NTNG1: variants seen among roughly 807,000 people sequenced by gnomAD.
NTNG1 encodes the protein netrin G1, also known as netrin-G1.
NTNG1 carries 16 observed loss-of-function variants against 54.0 expected under a neutral mutation model. That is an observed-to-expected ratio of 0.30 (90% CI 0.20 to 0.45). The LOEUF (loss-of-function observed/expected upper bound fraction) is 0.45, where lower values mean the gene tolerates loss of function less well. Among genes scored for constraint, NTNG1 ranks in the 20% least tolerant of loss-of-function variants. The pLI is 1.00. For missense variants in NTNG1, 530 were observed against 678.7 expected (o/e 0.78, Z 2.43); for synonymous variants, 255 against 263.1 (o/e 0.97, Z 0.30).
At chr1:107,329,627 G>T (rs1375513539) in intron 3 of NTNG1, among the ~76,000 whole-genome samples, 1 of 152,086 alleles carries the variant, frequency 6.6e-6, no homozygotes, top group African/African-American at 2.4e-5. Context: ...TACCTCTTTT[G>T]TAAGAGACAT....
chr1:107,401,261 T>C (rs1308363552), intron 4 of NTNG1, among the ~76,000 whole-genome samples: 1 of 152,148 alleles, frequency 6.6e-6, no homozygotes, highest in African/African-American at 2.4e-5. Flanking sequence ...ACTACCAGCC[T>C]TTCTGGCTCA....
chr1:107,189,644 A>T (rs1187737369), intron 2 of NTNG1, among the ~76,000 whole-genome samples: 1 of 152,096 alleles, frequency 6.6e-6, no homozygotes, highest in Non-Finnish European at 1.5e-5. Flanking sequence ...ACCTTTAAAA[A>T]ATATCCTAGC....
At chr1:107,274,339 A>G (rs1382427427) in intron 2 of NTNG1, among the ~76,000 whole-genome samples, 1 of 152,218 alleles carries the variant, frequency 6.6e-6, no homozygotes, top group East Asian at 1.9e-4. Context: ...CTATTTGAAA[A>G]GATTTGGTGG....
chr1:107,423,495 A>C (rs997713846), intron 5 of NTNG1, among the ~76,000 whole-genome samples: 1 of 152,046 alleles, frequency 6.6e-6, no homozygotes, highest in South Asian at 2.1e-4. Flanking sequence ...GAAGGCCTGG[A>C]TCGCATTCCC....
Position 107,318,802 on chromosome 1 carries a change from G to A in NTNG1, c.247-5480G>A, listed in dbSNP as rs184802431. 5.7e-4 allele frequency among the ~76,000 whole-genome samples: 87 copies of A among 152,190 alleles called. 1 individual carries two copies. Among genetic ancestry groups the A allele is most frequent in the African/African-American group, 2.0e-3 (81 of 41,534 alleles). On this transcript the variant is annotated intron_variant, in intron 2 of 7. Coordinates refer to ENST00000370068, the MANE Select transcript of NTNG1 (RefSeq NM_001113226.3). ...TGTTGCTGTATGCATACCACATGTT[G>A]GTACCCAGCATACCAGTTAACAAGG...
At chr1:107,189,049 G>A (rs1397057078) in intron 2 of NTNG1, among the ~76,000 whole-genome samples, 1 of 151,968 alleles carries the variant, frequency 6.6e-6, no homozygotes, top group Non-Finnish European at 1.5e-5. Context: ...TTGGGGGACT[G>A]TAAGAGTTTG....
chr1:107,292,075 T>TC (rs1482787594), intron 2 of NTNG1, among the ~76,000 whole-genome samples: 5 of 152,124 alleles, frequency 3.3e-5, no homozygotes, highest in Non-Finnish European at 7.4e-5. Context: ...AAAAAACTGT[T>TC]CCACTACATT....
chr1:107,355,026 C>G (rs911382609), intron 3 of NTNG1, among the ~76,000 whole-genome samples: 6 of 152,164 alleles, frequency 3.9e-5, no homozygotes, highest in African/African-American at 1.4e-4. Flanking sequence ...TTGAGTTTCT[C>G]TCTACATGAA....
chr1:107,166,540 T>A (rs1655809315), intron 2 of NTNG1, among the ~76,000 whole-genome samples: 1 of 152,162 alleles, frequency 6.6e-6, no homozygotes, highest in Non-Finnish European at 1.5e-5. Context: ...GCCATAATTC[T>A]TATTTTGTAT....
chr1:107,356,497 T>C (rs1284669967), intron 3 of NTNG1, among the ~76,000 whole-genome samples: 1 of 152,064 alleles, frequency 6.6e-6, no homozygotes, highest in Non-Finnish European at 1.5e-5. Context: ...TTTTTCCACA[T>C]TGGCCAGGCT....
At chr1:107,285,261 G>A (rs1019711048) in intron 2 of NTNG1, among the ~76,000 whole-genome samples, 15 of 152,204 alleles carry the variant, frequency 9.9e-5, no homozygotes, top group Admixed American at 7.2e-4. Flanking sequence ...TGCTAAGGAG[G>A]TGCATTTACT....
intron 1 of NTNG1, among the ~76,000 whole-genome samples, chr1:107,146,988 T>TA (rs1654170793): frequency 6.6e-6 from 1 of 152,112 alleles, no homozygotes; most frequent in Non-Finnish European, 1.5e-5. Context: ...TTGCATTGCT[T>TA]AAAAATCAGT....
chr1:107,293,565 A>G (rs756322130), intron 2 of NTNG1, among the ~76,000 whole-genome samples: 1 of 152,224 alleles, frequency 6.6e-6, no homozygotes, highest in Non-Finnish European at 1.5e-5. Context: ...TATGTGGAAC[A>G]TTAGAGTAAG....
intron 2 of NTNG1, among the ~76,000 whole-genome samples, chr1:107,161,789 T>G (rs1655424707): frequency 6.6e-6 from 1 of 152,016 alleles, no homozygotes; most frequent in South Asian, 2.1e-4. Flanking sequence ...GTTGAAATAA[T>G]CTTTGTCCCT....
chr1:107,404,041 A>G (rs978473917), intron 4 of NTNG1, among the ~76,000 whole-genome samples: 3 of 150,808 alleles, frequency 2.0e-5, no homozygotes, highest in Non-Finnish European at 3.0e-5. Flanking sequence ...AAGCTAATGA[A>G]GCTTAAACTT....
At chr1:107,330,489 T>C (rs1014765192) in intron 3 of NTNG1, among the ~76,000 whole-genome samples, 1 of 152,164 alleles carries the variant, frequency 6.6e-6, no homozygotes, top group Non-Finnish European at 1.5e-5. Flanking sequence ...ATGGCAGTGG[T>C]CTCAGATTTG....
chr1:107,417,017 T>C (rs781073514), intron 5 of NTNG1, among the ~76,000 whole-genome samples: 4 of 152,124 alleles, frequency 2.6e-5, no homozygotes, highest in Non-Finnish European at 5.9e-5. Context: ...CACAAATTTA[T>C]AGTTTTTCAA....
At chr1:107,146,054 T>A (rs938631079) in intron 1 of NTNG1, among the ~76,000 whole-genome samples, 5 of 152,046 alleles carry the variant, frequency 3.3e-5, no homozygotes, top group African/African-American at 1.2e-4. Context: ...GAGAATATCA[T>A]TTGTTGGTTA....
At chr1:107,415,154 T>C (rs1674110437) in intron 5 of NTNG1, among the ~76,000 whole-genome samples, 1 of 152,146 alleles carries the variant, frequency 6.6e-6, no homozygotes, top group African/African-American at 2.4e-5. Flanking sequence ...GGAACCAGCA[T>C]CCTTAAGAAG....
Sources: allele counts gnomAD v4.1 joint callset (sites outside exome capture counted in the v4.1 genomes callset), GRCh38; gene constraint gnomAD v4.1.1; transcripts MANE v1.5; gene names NCBI Gene and HGNC (gene_info 2026-07-23, HGNC 2026-07-21).